ANO3: variants seen among roughly 807,000 people sequenced by gnomAD.
The protein encoded by ANO3 is anoctamin-3.
A neutral mutation model predicts 144.8 loss-of-function variants in ANO3; 99 were observed. That is an observed-to-expected ratio of 0.68 (90% confidence interval 0.58 to 0.81). The LOEUF (loss-of-function observed/expected upper bound fraction) is 0.81. Among genes scored for constraint, ANO3 ranks in the 30% least tolerant of loss-of-function variants. ANO3 has a pLI of 0.00. For missense variants in ANO3, 905 were observed against 1,202.2 expected, an observed-to-expected ratio of 0.75 and a Z score of 3.66; for synonymous variants, 414 against 392.6, an observed-to-expected ratio of 1.05 and a Z score of -0.64.
chr11:26,591,186 T>C (rs1264816393), intron 14 of ANO3, among the ~76,000 whole-genome samples: 1 of 152,104 alleles, frequency 6.6e-6, no homozygotes, highest in East Asian at 1.9e-4. Flanking sequence ...GCCTAGGAAA[T>C]CCAGCTAGTA....
chr11:26,406,913 T>C (rs1260722554), intron 1 of ANO3, among the ~76,000 whole-genome samples: 1 of 149,382 alleles, frequency 6.7e-6, no homozygotes, highest in East Asian at 2.0e-4. Context: ...TACATATATA[T>C]ACACACCTGT....
At chr11:26,386,572 G>C (rs1856739615) in intron 1 of ANO3, among the ~76,000 whole-genome samples, 1 of 152,114 alleles carries the variant, frequency 6.6e-6, no homozygotes. Context: ...ATGTTGCAAT[G>C]GGTTGACGTC....
chr11:26,608,453 C>T (rs538398090), intron 17 of ANO3, among the ~76,000 whole-genome samples: 1 of 152,282 alleles, frequency 6.6e-6, no homozygotes, highest in Admixed American at 6.5e-5. Context: ...TAATGAAGCA[C>T]TTTTACTGTC....
chr11:26,629,418 C>G (rs952279809), intron 18 of ANO3, among the ~76,000 whole-genome samples: 3 of 151,940 alleles, frequency 2.0e-5, no homozygotes, highest in Admixed American at 6.6e-5. Flanking sequence ...ATCTATCTAT[C>G]TACTTTCTTT....
At chr11:26,210,074 G>A (rs938711448) in intron 1 of ANO3, among the ~76,000 whole-genome samples, 1 of 152,138 alleles carries the variant, frequency 6.6e-6, no homozygotes, top group Non-Finnish European at 1.5e-5. Context: ...CCTATGTCCT[G>A]AATGGTATTG....
chr11:26,453,746 G>T lies in ANO3; in HGVS notation c.314-9284G>T, dbSNP rs189005128. Among the ~76,000 whole-genome samples the T allele has an allele frequency of 2.0e-5, 3 of 152,176 alleles. No homozygotes were observed. In the East Asian group the frequency reaches 5.8e-4, roughly 29 times the overall value. ...CAAGCAGACCTAATAGACATCTACA[G>T]AACTCTCCACCCCAAATCAACAAAA... is the stretch of plus-strand genomic sequence containing the variant. On this transcript the variant is annotated intron_variant, in intron 3 of 26. Transcript: ENST00000256737.
chr11:26,194,174 A>T (rs1285201100), intron 1 of ANO3, among the ~76,000 whole-genome samples: 1 of 152,050 alleles, frequency 6.6e-6, no homozygotes, highest in Non-Finnish European at 1.5e-5. Flanking sequence ...GGTGATGATT[A>T]ACCATGTGCT....
chr11:26,598,595 A>G, intron 15 of ANO3, 148 bp downstream of exon 15: 1 of 637,828 alleles, frequency 1.6e-6, no homozygotes, highest in Non-Finnish European at 2.6e-6. Context: ...TATTTTATGA[A>G]GATAATAGAG....
chr11:26,361,047 A>C (rs551727116), intron 1 of ANO3, among the ~76,000 whole-genome samples: 36 of 152,318 alleles, frequency 2.4e-4, no homozygotes, highest in African/African-American at 7.9e-4. Context: ...TCAGCATGTG[A>C]CAACATTTTA....
At chr11:26,516,197 T>C (rs1912017) in intron 5 of ANO3, among the ~76,000 whole-genome samples, 1 of 151,822 alleles carries the variant, frequency 6.6e-6, no homozygotes, top group Non-Finnish European at 1.5e-5. Flanking sequence ...TCCTTATGCA[T>C]ACTTGACTCT....
chr11:26,257,937 G>A (rs1470721972), intron 1 of ANO3, among the ~76,000 whole-genome samples: 1 of 152,026 alleles, frequency 6.6e-6, no homozygotes, highest in Non-Finnish European at 1.5e-5. Context: ...AATTTACATA[G>A]CTTTGACCAC....
chr11:26,249,502 T>C (rs1852876955), intron 1 of ANO3, among the ~76,000 whole-genome samples: 1 of 152,176 alleles, frequency 6.6e-6, no homozygotes, highest in African/African-American at 2.4e-5. Flanking sequence ...TAATACTTCT[T>C]GAATTATATA....
chr11:26,557,841 A>G (rs900205624), intron 13 of ANO3, among the ~76,000 whole-genome samples: 7 of 152,180 alleles, frequency 4.6e-5, no homozygotes, highest in African/African-American at 1.7e-4. Flanking sequence ...ATCTCAAGCT[A>G]TAACCACAGA....
chr11:26,583,343 T>G (rs1005001750), intron 14 of ANO3, among the ~76,000 whole-genome samples: 2 of 152,236 alleles, frequency 1.3e-5, no homozygotes, highest in Admixed American at 6.5e-5. Flanking sequence ...TCTTCTTTCT[T>G]ATTTAACGTT....
intron 1 of ANO3, among the ~76,000 whole-genome samples, chr11:26,350,361 A>AGG (rs1855614310): frequency 6.6e-6 from 1 of 152,182 alleles, no homozygotes; most frequent in African/African-American, 2.4e-5. Flanking sequence ...GAGGCTGCTT[A>AGG]GGGGGAAATA....
chr11:26,584,976 G>A (rs1851235929), intron 14 of ANO3, among the ~76,000 whole-genome samples: 1 of 152,178 alleles, frequency 6.6e-6, no homozygotes, highest in African/African-American at 2.4e-5. Context: ...AAGGAACAGA[G>A]TTATGCTTTA....
At chr11:26,527,607 T>G (rs1391146343) in intron 7 of ANO3, among the ~76,000 whole-genome samples, 1 of 152,148 alleles carries the variant, frequency 6.6e-6, no homozygotes, top group Non-Finnish European at 1.5e-5. Context: ...TGTGCTTCTC[T>G]TTTCTTGAAG....
chr11:26,474,437 A>G (rs2134076220), intron 4 of ANO3, among the ~76,000 whole-genome samples: 1 of 152,038 alleles, frequency 6.6e-6, no homozygotes, highest in South Asian at 2.1e-4. Context: ...TTATTCAAAA[A>G]CATAAAATAT....
intron 4 of ANO3, among the ~76,000 whole-genome samples, chr11:26,491,388 T>G (rs1197077943): frequency 6.6e-6 from 1 of 152,194 alleles, no homozygotes; most frequent in African/African-American, 2.4e-5. Context: ...CAACTTCGAT[T>G]GACACATATA....
Sources: allele counts gnomAD v4.1 joint callset (sites outside exome capture counted in the v4.1 genomes callset), GRCh38; gene constraint gnomAD v4.1.1; transcripts MANE v1.5; gene names NCBI Gene and HGNC (gene_info 2026-07-23, HGNC 2026-07-21).